Variants in EPB41L4A observed in about 807,000 individuals in gnomAD.
EPB41L4A encodes the protein band 4.1-like protein 4A.
EPB41L4A carries 100 observed loss-of-function variants against 108.6 expected under a neutral mutation model. The ratio of observed to expected loss-of-function variants is 0.92; its 90% CI spans 0.78 to 1.09. The LOEUF (loss-of-function observed/expected upper bound fraction) is 1.09. Among genes scored for constraint, EPB41L4A ranks in the 50% least tolerant of loss-of-function variants. The pLI is 0.00. For missense variants in EPB41L4A, 1,030 were observed against 842.7 expected (o/e 1.22, Z -2.75); for synonymous variants, 319 against 289.0 (o/e 1.10, Z -1.05).
At chr5:112,321,577 C>T (rs772967015) in intron 1 of EPB41L4A, among the ~76,000 whole-genome samples, 2 of 152,166 alleles carry the variant, frequency 1.3e-5, no homozygotes, top group Non-Finnish European at 2.9e-5. Flanking sequence ...AGTTGCTGAG[C>T]TATTTTAATA....
intron 1 of EPB41L4A, among the ~76,000 whole-genome samples, chr5:112,374,383 G>T (rs1177169036): frequency 6.6e-6 from 1 of 152,188 alleles, no homozygotes; most frequent in Non-Finnish European, 1.5e-5. Flanking sequence ...GCAAAAAGCA[G>T]CATTATAAGA....
At chr5:112,312,867 C>T (rs1164160112) in intron 1 of EPB41L4A, among the ~76,000 whole-genome samples, 1 of 152,140 alleles carries the variant, frequency 6.6e-6, no homozygotes, top group Non-Finnish European at 1.5e-5. Context: ...GTAAAGTCTT[C>T]AGGTCCAGAA....
chr5:112,407,144 G>A (rs1762121913), intron 1 of EPB41L4A, among the ~76,000 whole-genome samples: 1 of 152,058 alleles, frequency 6.6e-6, no homozygotes. Context: ...AAGATTTTGT[G>A]AAGCTACCAC....
chr5:112,399,291 C>T (rs1371678759), intron 1 of EPB41L4A, among the ~76,000 whole-genome samples: 4 of 152,108 alleles, frequency 2.6e-5, no homozygotes, highest in Non-Finnish European at 5.9e-5. Context: ...CCAAACATCC[C>T]ATTCTCAGGA....
intron 1 of EPB41L4A, among the ~76,000 whole-genome samples, chr5:112,314,251 C>A (rs952856801): frequency 6.6e-6 from 1 of 152,018 alleles, no homozygotes; most frequent in Non-Finnish European, 1.5e-5. Context: ...GGAAGCTATG[C>A]ACCCCCATTC....
intron 6 of EPB41L4A, 109 bp from the exon 7 acceptor site, chr5:112,262,690 C>T: frequency 1.1e-6 from 1 of 911,106 alleles, no homozygotes; most frequent in Non-Finnish European, 1.7e-6. Flanking sequence ...ATACTTTTTA[C>T]TAATGCAAAC....
At chr5:112,365,472 AC>A (rs1476784456) in intron 1 of EPB41L4A, among the ~76,000 whole-genome samples, 5 of 139,472 alleles carry the variant, frequency 3.6e-5, no homozygotes, top group Admixed American at 6.9e-5. Context: ...GACACTAAAG[AC>A]TGATTTTTTT....
intron 12 of EPB41L4A, among the ~76,000 whole-genome samples, chr5:112,213,479 G>C (rs1747381872): frequency 6.6e-6 from 1 of 151,942 alleles, no homozygotes; most frequent in Non-Finnish European, 1.5e-5. Flanking sequence ...CTCATGAGTA[G>C]CTGGGATTAC....
At chr5:112,248,846 G>A (rs536730904) in intron 9 of EPB41L4A, among the ~76,000 whole-genome samples, 1 of 152,202 alleles carries the variant, frequency 6.6e-6, no homozygotes, top group African/African-American at 2.4e-5. Context: ...CCATTTCAGT[G>A]CCTCTCCCAA....
chr5:112,149,127 G>A (rs535860243), intron 12 of EPB41L4A, among the ~76,000 whole-genome samples: 6 of 152,092 alleles, frequency 3.9e-5, no homozygotes, highest in African/African-American at 7.2e-5. Context: ...TATTTTAAAC[G>A]AACTACTGAA....
chr5:112,209,503 T>C (rs954394554), intron 13 of EPB41L4A, among the ~76,000 whole-genome samples: 1 of 152,228 alleles, frequency 6.6e-6, no homozygotes, highest in Non-Finnish European at 1.5e-5. Context: ...AGGGCTACAG[T>C]TCAGTGCACC....
chr5:112,204,534 G>A, intron 14 of EPB41L4A, 46 bp from the exon 15 acceptor site: 1 of 1,309,384 alleles, frequency 7.6e-7, no homozygotes, highest in Non-Finnish European at 1.1e-6. Flanking sequence ...AGAGTTCCTG[G>A]GGGAAAACAC....
At chr5:112,150,531 G>C (rs2112802497) in intron 12 of EPB41L4A, among the ~76,000 whole-genome samples, 1 of 152,204 alleles carries the variant, frequency 6.6e-6, no homozygotes, top group East Asian at 1.9e-4. Flanking sequence ...CAGCTGAAAA[G>C]AGAATTAGTG....
At chr5:112,184,745 AG>A (rs1311623034) in intron 17 of EPB41L4A, among the ~76,000 whole-genome samples, 1 of 152,206 alleles carries the variant, frequency 6.6e-6, no homozygotes, top group Non-Finnish European at 1.5e-5. Context: ...TGGGCAGGGA[AG>A]GAATGAAAAT....
chr5:112,355,218 G>A (rs1758290488), intron 1 of EPB41L4A, among the ~76,000 whole-genome samples: 1 of 152,158 alleles, frequency 6.6e-6, no homozygotes, highest in Admixed American at 6.5e-5. Flanking sequence ...CTTGGAACTT[G>A]TAAACCACTA....
intron 1 of EPB41L4A, among the ~76,000 whole-genome samples, chr5:112,324,659 T>C (rs1338531684): frequency 1.4e-5 from 2 of 147,274 alleles, no homozygotes; most frequent in Non-Finnish European, 3.0e-5. Flanking sequence ...GGGGCGGAAG[T>C]TGCAGTGAGC....
At chr5:112,340,177 G>C (rs1671182717) in intron 1 of EPB41L4A, among the ~76,000 whole-genome samples, 1 of 152,152 alleles carries the variant, frequency 6.6e-6, no homozygotes, top group Non-Finnish European at 1.5e-5. Context: ...AGTGACGGAA[G>C]GAAAGGAAGA....
chr5:112,307,727 T>C (rs1245300261), intron 1 of EPB41L4A, among the ~76,000 whole-genome samples: 5 of 146,076 alleles, frequency 3.4e-5, no homozygotes, highest in Admixed American at 2.7e-4. Context: ...TTTAAATTAA[T>C]ATAAGCTTCT....
At chr5:112,320,361 T>G (rs377743896) in intron 1 of EPB41L4A, among the ~76,000 whole-genome samples, 1 of 152,222 alleles carries the variant, frequency 6.6e-6, no homozygotes, top group Non-Finnish European at 1.5e-5. Flanking sequence ...ATGGGTTTTA[T>G]GATACATTAT....
Sources: gnomAD v4.1 joint callset for allele counts (sites outside exome capture counted in the v4.1 genomes callset) on GRCh38, gnomAD v4.1.1 for gene constraint, MANE v1.5 for transcripts, NCBI Gene and HGNC (gene_info 2026-07-23, HGNC 2026-07-21) for gene names.